The following FSTL4 variants were observed in gnomAD, a reference collection of about 807,000 sequenced individuals.
FSTL4 encodes the protein follistatin like 4.
FSTL4 carries 28 observed loss-of-function variants against 78.2 expected under a neutral mutation model. That is an observed-to-expected ratio of 0.36 (90% CI 0.27 to 0.49). FSTL4 has a LOEUF of 0.49. FSTL4 is among the 20% of genes least tolerant of loss of function. FSTL4 has a pLI of 0.98. For missense variants in FSTL4, 922 were observed against 1,084.9 expected (o/e 0.85, Z 2.11); for synonymous variants, 422 against 440.5 (o/e 0.96, Z 0.53).
the FSTL4 span, among the ~76,000 whole-genome samples, chr5:133,789,847 C>G: frequency 1.3e-5 from 2 of 152,146 alleles, no homozygotes; most frequent in Non-Finnish European, 2.9e-5. Flanking sequence ...TGGATTAGGG[C>G]CCTGCCTTAT....
intron 4 of FSTL4, among the ~76,000 whole-genome samples, chr5:133,394,612 A>T (rs886963061): frequency 1.3e-5 from 2 of 152,228 alleles, no homozygotes; most frequent in African/African-American, 4.8e-5. Context: ...TAGGACCTGC[A>T]GCCCGCCATG....
intron 3 of FSTL4, chr5:133,427,773 T>C (rs530999426): frequency 6.3e-6 from 3 of 478,100 alleles, no homozygotes; most frequent in Middle Eastern, 4.0e-4. Context: ...TTGCAACTTC[T>C]GCCATCAGGA....
intron 4 of FSTL4, among the ~76,000 whole-genome samples, chr5:133,372,343 G>A (rs534797910): frequency 6.6e-6 from 1 of 152,008 alleles, no homozygotes; most frequent in African/African-American, 2.4e-5. Flanking sequence ...TGTGATCCTA[G>A]TCTTTGCCCC....
intron 6 of FSTL4, among the ~76,000 whole-genome samples, chr5:133,281,849 T>C (rs1753017014): frequency 6.6e-6 from 1 of 152,116 alleles, no homozygotes; most frequent in South Asian, 2.1e-4. Flanking sequence ...GGGTCAGGAC[T>C]TCTGGGGAGT....
chr5:133,826,553 G>A, the FSTL4 span, among the ~76,000 whole-genome samples: 11 of 152,110 alleles, frequency 7.2e-5, no homozygotes, highest in African/African-American at 2.7e-4. Context: ...TGCCTCTGTG[G>A]CCACACTGCC....
intron 6 of FSTL4, among the ~76,000 whole-genome samples, chr5:133,285,982 C>G (rs992523665): frequency 8.5e-5 from 13 of 152,368 alleles, no homozygotes; most frequent in Non-Finnish European, 1.2e-4. Flanking sequence ...GCACCAATAA[C>G]TAAGCTCTGT....
At chr5:133,212,371 A>G (rs907592614) in intron 13 of FSTL4, among the ~76,000 whole-genome samples, 3 of 152,226 alleles carry the variant, frequency 2.0e-5, no homozygotes, top group African/African-American at 7.2e-5. Context: ...CACAGTCTCA[A>G]TGTGCTGAGC....
rs1333025117 is a variant in FSTL4, at chr5:133,236,741, C to T, written c.895-3204G>A. Among the ~76,000 whole-genome samples the T allele has an allele frequency of 6.6e-6, 1 of 152,242 alleles. No individual in the cohort carries two copies. The highest frequency in any genetic ancestry group is 1.5e-5 in the Non-Finnish European group (1 of 68,046). On this transcript the variant is annotated intron_variant, in intron 7 of 15. Transcript: ENST00000265342. The surrounding 1 kb of genome is among the most constrained non-coding windows in gnomAD (Gnocchi z 5.0). ...TCTAGTGTGCCAGGCATGCTCCCCT[C>T]CTCCCAGGCTGTCTGTCTGTCTCCC...
At chr5:133,537,809 C>A (rs1759382635) in intron 3 of FSTL4, among the ~76,000 whole-genome samples, 1 of 151,826 alleles carries the variant, frequency 6.6e-6, no homozygotes, top group African/African-American at 2.4e-5. Flanking sequence ...CACACACACA[C>A]ACACACACAG....
chr5:133,299,840 A>G (rs916572151), intron 6 of FSTL4, among the ~76,000 whole-genome samples: 2 of 152,200 alleles, frequency 1.3e-5, no homozygotes, highest in African/African-American at 4.8e-5. Flanking sequence ...AATGAGCAGA[A>G]CTTTGAACTG....
intron 2 of FSTL4, among the ~76,000 whole-genome samples, chr5:133,593,328 C>G (rs539180907): frequency 1.1e-4 from 16 of 152,318 alleles, no homozygotes; most frequent in Non-Finnish European, 7.3e-5. Context: ...AACAAGAACA[C>G]AGCCATATCA....
At chr5:133,541,454 C>T (rs443771) in intron 3 of FSTL4, among the ~76,000 whole-genome samples, 64,276 of 151,952 alleles carry the variant, frequency 0.42, 14,119 homozygotes, top group African/African-American at 0.54. Flanking sequence ...CTGTCATCTA[C>T]GATTTGGCCT....
chr5:133,762,037 A>AT, the FSTL4 span, among the ~76,000 whole-genome samples: 2 of 152,128 alleles, frequency 1.3e-5, no homozygotes, highest in Admixed American at 1.3e-4. Context: ...AAACTGTGCA[A>AT]TTTTAAGTAC....
chr5:133,558,370 G>C (rs767124798), intron 3 of FSTL4, among the ~76,000 whole-genome samples: 2 of 152,168 alleles, frequency 1.3e-5, no homozygotes, highest in Non-Finnish European at 2.9e-5. Flanking sequence ...TGAGAAGCTG[G>C]AGCCCCGAAG....
the FSTL4 span, among the ~76,000 whole-genome samples, chr5:133,624,643 G>T: frequency 3.3e-5 from 5 of 151,628 alleles, no homozygotes; most frequent in Non-Finnish European, 5.9e-5. Flanking sequence ...TTATTTCTGG[G>T]TTCTCTATTC....
At chr5:133,628,366 CTTTTT>C in the FSTL4 span, among the ~76,000 whole-genome samples, 8 of 134,616 alleles carry the variant, frequency 5.9e-5, no homozygotes, top group Non-Finnish European at 9.2e-5. Context: ...CTTTTCTTTT[CTTTTT>C]TTTTTGAGAT....
At chr5:133,237,804 C>T (rs1561636123) in intron 7 of FSTL4, among the ~76,000 whole-genome samples, 1 of 151,644 alleles carries the variant, frequency 6.6e-6, no homozygotes, top group South Asian at 2.1e-4. Context: ...CATCTGAATA[C>T]TGCTATCAAC....
intron 4 of FSTL4, among the ~76,000 whole-genome samples, chr5:133,330,021 T>C (rs1247240433): frequency 2.0e-5 from 3 of 152,160 alleles, no homozygotes; most frequent in African/African-American, 7.2e-5. Context: ...TTTTGGAGAA[T>C]CCCATCTCTA....
the FSTL4 span, among the ~76,000 whole-genome samples, chr5:133,665,728 G>T: frequency 6.6e-6 from 1 of 152,204 alleles, no homozygotes; most frequent in African/African-American, 2.4e-5. Context: ...TGCTGAACCT[G>T]GGAACATCTG....
Sources: gnomAD v4.1 joint callset for allele counts (sites outside exome capture counted in the v4.1 genomes callset) on GRCh38, gnomAD v4.1.1 for gene constraint, Gnocchi (gnomAD v3.1) non-coding constraint, MANE v1.5 for transcripts, NCBI Gene and HGNC (gene_info 2026-07-23, HGNC 2026-07-21) for gene names.